Variants in ZNF469 observed in about 807,000 individuals in gnomAD.
ZNF469 encodes the protein zinc finger protein 469.
ZNF469 carries 1 observed loss-of-function variant against 1.0 expected under a neutral mutation model. The ratio of observed to expected loss-of-function variants is 1.00; its 90% CI spans 0.35 to 4.73. The LOEUF (loss-of-function observed/expected upper bound fraction) is 4.73. Among genes scored for constraint, ZNF469 ranks in the 30% most tolerant of loss-of-function variants. The probability of loss-of-function intolerance (pLI) is 0.16; values close to 1 mark genes in which losing one functional copy is unlikely to be tolerated. For synonymous variants in ZNF469, 2,703 were observed against 2,363.4 expected, an observed-to-expected ratio of 1.14 and a Z score of -4.17; for missense variants, 6,100 against 5,356.3, an observed-to-expected ratio of 1.14 and a Z score of -4.33.
chr16:88,352,676 C>T, the ZNF469 span, among the ~76,000 whole-genome samples: 1 of 152,264 alleles, frequency 6.6e-6, no homozygotes, highest in Admixed American at 6.5e-5. Flanking sequence ...CCCTTCCCCT[C>T]CCTGGCTGGT....
chr16:88,349,093 C>A, the ZNF469 span, among the ~76,000 whole-genome samples: 1 of 152,140 alleles, frequency 6.6e-6, no homozygotes, highest in Admixed American at 6.5e-5. Context: ...TGGCTCTGGG[C>A]GGGAGGCAGG....
At chr16:88,179,201 C>G in the ZNF469 span, among the ~76,000 whole-genome samples, 1 of 152,152 alleles carries the variant, frequency 6.6e-6, no homozygotes, top group East Asian at 1.9e-4. Context: ...AATGTATCCC[C>G]AGTGTTGGAG....
Position 88,388,041 on chromosome 16 carries a change from T to G in ZNF469, c.-192+4787T>G, listed in dbSNP as rs1461487897. Among the ~76,000 whole-genome samples, 7 of 152,156 alleles carry G rather than the reference T, an allele frequency of 4.6e-5. No individual in the cohort carries two copies. In the East Asian group the frequency reaches 1.4e-3, roughly 29 times the overall value. Reference sequence around the variant, plus strand: ...CCTCGGTTTGCGTTACCAAGTGGGGTGCACAGCACCTGGAGTCTCTTTACA... The same window carrying G: ...CCTCGGTTTGCGTTACCAAGTGGGGGGCACAGCACCTGGAGTCTCTTTACA... On this transcript the variant is annotated intron_variant, in intron 1 of 2. Coordinates refer to ENST00000565624, the MANE Select transcript of ZNF469 (RefSeq NM_001367624.2).
chr16:88,241,442 G>A, the ZNF469 span, among the ~76,000 whole-genome samples: 1 of 152,084 alleles, frequency 6.6e-6, no homozygotes, highest in Non-Finnish European at 1.5e-5. The surrounding 1 kb of genome is among the most constrained non-coding windows in gnomAD (Gnocchi z 4.8). Context: ...CCCAGACTTG[G>A]TGGCAGCTCT....
intron 1 of ZNF469, among the ~76,000 whole-genome samples, chr16:88,406,016 C>T (rs973697900): frequency 2.0e-5 from 3 of 152,216 alleles, no homozygotes; most frequent in Non-Finnish European, 1.5e-5. Context: ...TAATTAAAAC[C>T]AGCTGAGATG....
chr16:88,433,737 C>T lies in ZNF469; in HGVS notation c.6267C>T (p.Ser2089=). Residue 2089 remains serine (S), a synonymous_variant, in exon 3 of 3, where the codon AGC becomes AGT. Coordinates refer to ENST00000565624, the MANE Select transcript of ZNF469 (RefSeq NM_001367624.2). ...GCCGGACTCCAGAGAGGGCGTCCAG[C>T]CCCGGCCTGAACAAGCCACTGCTGG... The part of the protein sequence containing the change: ...SEGRTPERAS[S]PGLNKPLLAT... 1 of 1,548,956 alleles carries T rather than the reference C, an allele frequency of 6.5e-7. No homozygotes were observed. Among genetic ancestry groups the T allele is most frequent in the Non-Finnish European group, 8.7e-7 (1 of 1,146,844 alleles).
chr16:88,106,578 G>A, the ZNF469 span, among the ~76,000 whole-genome samples: 96 of 152,350 alleles, frequency 6.3e-4, no homozygotes, highest in African/African-American at 1.8e-3. Context: ...GCCAACCAGC[G>A]GCTTTTCTGC....
At chr16:88,114,165 G>A in the ZNF469 span, among the ~76,000 whole-genome samples, 1 of 151,494 alleles carries the variant, frequency 6.6e-6, no homozygotes, top group Non-Finnish European at 1.5e-5. Context: ...CTCCCTGACT[G>A]CGGGGGTCTC....
the ZNF469 span, among the ~76,000 whole-genome samples, chr16:88,181,335 G>T: frequency 1.3e-5 from 2 of 152,166 alleles, no homozygotes; most frequent in Non-Finnish European, 2.9e-5. Context: ...CTCCCAAAGT[G>T]CTGGGATGAC....
At chr16:88,374,870 GC>G in the ZNF469 span, among the ~76,000 whole-genome samples, 1 of 152,212 alleles carries the variant, frequency 6.6e-6, no homozygotes, top group African/African-American at 2.4e-5. Flanking sequence ...GGTGATGCAG[GC>G]CCCAGCACAG....
chr16:88,189,522 T>C, the ZNF469 span, among the ~76,000 whole-genome samples: 1 of 152,194 alleles, frequency 6.6e-6, no homozygotes, highest in Non-Finnish European at 1.5e-5. This position sits in a 1 kb window ranked among gnomAD's most constrained non-coding sequence, Gnocchi z 4.3. Flanking sequence ...TTATCCACCA[T>C]TCCACATGCA....
At chr16:88,184,578 G>A in the ZNF469 span, among the ~76,000 whole-genome samples, 1 of 151,928 alleles carries the variant, frequency 6.6e-6, no homozygotes, top group African/African-American at 2.4e-5. Context: ...GTGGACGCCC[G>A]CGCCACCTTC....
the ZNF469 span, among the ~76,000 whole-genome samples, chr16:88,252,694 G>A: frequency 0.19 from 28,950 of 152,106 alleles, 3,614 homozygotes; most frequent in African/African-American, 0.35. Flanking sequence ...ATATATACAC[G>A]CATGTGTATG....
chr16:88,398,882 C>T (rs534727162), intron 1 of ZNF469, among the ~76,000 whole-genome samples: 4 of 152,288 alleles, frequency 2.6e-5, no homozygotes, highest in South Asian at 2.1e-4. Context: ...AAGCAGAGGA[C>T]GACAGTCACT....
At chr16:88,101,474 G>A in the ZNF469 span, among the ~76,000 whole-genome samples, 12 of 151,818 alleles carry the variant, frequency 7.9e-5, no homozygotes, top group South Asian at 4.2e-4. Context: ...ATCTCTCAGC[G>A]CCCGGGTTGG....
the ZNF469 span, among the ~76,000 whole-genome samples, chr16:88,192,584 C>T: frequency 2.8e-4 from 42 of 152,342 alleles, 1 homozygote; most frequent in South Asian, 5.2e-3. Flanking sequence ...GAGCAGAGCC[C>T]GAGGGGCTGG....
the ZNF469 span, among the ~76,000 whole-genome samples, chr16:88,117,785 C>T: frequency 1.3e-5 from 2 of 152,194 alleles, no homozygotes; most frequent in African/African-American, 2.4e-5. Flanking sequence ...TGCAAGTGAC[C>T]TGGGAGGTGG....
intron 1 of ZNF469, among the ~76,000 whole-genome samples, chr16:88,384,309 G>A (rs1282786987): frequency 1.3e-5 from 2 of 152,358 alleles, no homozygotes; most frequent in East Asian, 3.9e-4. Context: ...CTGCCGGTCG[G>A]GTGGACAAAG....
the ZNF469 span, among the ~76,000 whole-genome samples, chr16:88,297,406 CTTTT>C: frequency 5.3e-5 from 8 of 152,182 alleles, no homozygotes; most frequent in African/African-American, 1.9e-4. Flanking sequence ...TCTCCATGCA[CTTTT>C]TTTGTTTTTT....
Sources: gnomAD v4.1 joint callset for allele counts (sites outside exome capture counted in the v4.1 genomes callset) on GRCh38, gnomAD v4.1.1 for gene constraint, Gnocchi (gnomAD v3.1) non-coding constraint, MANE v1.5 for transcripts, NCBI Gene and HGNC (gene_info 2026-07-23, HGNC 2026-07-21) for gene names.